LPIN1: variants seen among roughly 807,000 people sequenced by gnomAD.
LPIN1 encodes the protein phosphatidate phosphatase LPIN1.
LPIN1 carries 71 observed loss-of-function variants against 107.5 expected under a neutral mutation model. That is an observed-to-expected ratio of 0.66 (90% confidence interval 0.55 to 0.80). The LOEUF is 0.80. LPIN1 is among the 30% of genes least tolerant of loss of function. The pLI, the probability that LPIN1 is intolerant of heterozygous loss-of-function variation, is 0.00. For synonymous variants in LPIN1, 445 were observed against 452.6 expected (o/e 0.98, Z 0.21); for missense variants, 1,043 against 1,160.6 (o/e 0.90, Z 1.47).
chr2:11,683,459 C>G (rs6432226), intron 1 of LPIN1: 1 of 152,178 alleles, frequency 6.6e-6, no homozygotes, highest in South Asian at 2.1e-4. Flanking sequence ...ATGGGAGCGG[C>G]TGAAGGGAGG....
chr2:11,691,084 G>GTTTTTTTT (rs59865645), intron 1 of LPIN1, among the ~76,000 whole-genome samples: 1 of 140,604 alleles, frequency 7.1e-6, no homozygotes. Context: ...TCTTGTTGTG[G>GTTTTTTTT]TTTTTTTTTT....
At chr2:11,751,930 A>G (rs552862814) in intron 1 of LPIN1, among the ~76,000 whole-genome samples, 4 of 152,206 alleles carry the variant, frequency 2.6e-5, no homozygotes, top group Non-Finnish European at 4.4e-5. Context: ...TTCATTCTAT[A>G]TATACATTTT....
intron 1 of LPIN1, among the ~76,000 whole-genome samples, chr2:11,734,039 C>T (rs553803906): frequency 4.3e-4 from 66 of 152,250 alleles, no homozygotes; most frequent in Admixed American, 2.0e-3. Context: ...TTCTTTCTCC[C>T]GTACCACACT....
At chr2:11,741,581 A>G (rs1206136362) in intron 2 of LPIN1, among the ~76,000 whole-genome samples, 3 of 151,774 alleles carry the variant, frequency 2.0e-5, no homozygotes, top group South Asian at 2.1e-4. Flanking sequence ...CCTGGGCAAC[A>G]TGGCGAAACC....
At chr2:11,795,883 T>C (rs947747002) in intron 14 of LPIN1, among the ~76,000 whole-genome samples, 7 of 152,226 alleles carry the variant, frequency 4.6e-5, no homozygotes, top group African/African-American at 1.7e-4. Flanking sequence ...AACTTGCCTT[T>C]CTCTGTAATT....
intron 17 of LPIN1, among the ~76,000 whole-genome samples, chr2:11,806,235 C>G (rs1365639167): frequency 6.6e-6 from 1 of 152,232 alleles, no homozygotes; most frequent in East Asian, 1.9e-4. Flanking sequence ...AGAGCTGTTT[C>G]TAGAACTCTG....
chr2:11,774,545 A>G lies in LPIN1; in HGVS notation c.722+800A>G, dbSNP rs1028872515. Among the ~76,000 whole-genome samples, 2 of 152,166 alleles carry G rather than the reference A, an allele frequency of 1.3e-5. No homozygotes were observed. Among genetic ancestry groups the G allele is most frequent in the African/African-American group, 4.8e-5 (2 of 41,444 alleles). On this transcript the variant is annotated intron_variant, in intron 5 of 20. Transcript: ENST00000674199. This position sits in a 1 kb window ranked among gnomAD's most constrained non-coding sequence, Gnocchi z 4.4. ...CAGGGGCATGTTGATAATGAAAAAG[A>G]GACTGAGAAACGCTGATCTAAATGC...
chr2:11,719,901 T>C (rs1424845264), upstream of LPIN1, among the ~76,000 whole-genome samples: 1 of 151,186 alleles, frequency 6.6e-6, no homozygotes, highest in East Asian at 2.0e-4. Flanking sequence ...GTATACAGAA[T>C]GGTCATTTTT....
rs1038914491 is a variant in LPIN1 at position 11,750,869 on chromosome 2, G to A, written c.-10+4198G>A. 2.1e-4 allele frequency among the ~76,000 whole-genome samples: 32 copies of A among 152,270 alleles called. No individual in the cohort carries two copies. The South Asian group carries it at 3.9e-3, about 19-fold the overall frequency. Reference sequence around the variant, plus strand: ...CCAATTGCTGGGGTGTGGTAGGGGTGGGGGGTAATACAGAAATAAAGTTAT... The same window carrying A: ...CCAATTGCTGGGGTGTGGTAGGGGTAGGGGGTAATACAGAAATAAAGTTAT... On this transcript the variant is annotated intron_variant, in intron 1 of 20. Transcript: ENST00000674199.
intron 1 of LPIN1, among the ~76,000 whole-genome samples, chr2:11,679,729 G>A (rs1011407689): frequency 3.3e-5 from 5 of 152,230 alleles, no homozygotes; most frequent in Non-Finnish European, 7.3e-5. Flanking sequence ...CCCTGCCCCG[G>A]CAGTCTCTGT....
chr2:11,763,987 GTATA>G lies in LPIN1; in HGVS notation c.-9-1530_-9-1527del, dbSNP rs1162699730. ...TTAGTGTGTGTGTGTGTGTGTGTGT[GTATA>G]TATATATATATATATTTGGAGATAG... On this transcript the variant is annotated intron_variant, in intron 1 of 20. Transcript: ENST00000674199. Among the ~76,000 whole-genome samples, 897 of 132,910 alleles carry G rather than the reference GTATA, an allele frequency of 6.7e-3. 8 individuals carry two copies. The highest frequency in any genetic ancestry group is 0.019 in the African/African-American group (614 of 32,746). 87.2% of individuals were successfully genotyped at this position (132,910 alleles called of 152,430 possible). A position where few individuals can be genotyped will look rare whatever the true frequency, so the allele number is the denominator to read the frequency against.
chr2:11,738,867 G>C (rs1329040635), intron 1 of LPIN1, among the ~76,000 whole-genome samples: 2 of 152,220 alleles, frequency 1.3e-5, no homozygotes, highest in Non-Finnish European at 2.9e-5. Context: ...ATGAATGTGA[G>C]GAAACCACCA....
intron 1 of LPIN1, among the ~76,000 whole-genome samples, chr2:11,690,145 C>T (rs1662199507): frequency 6.6e-6 from 1 of 152,152 alleles, no homozygotes; most frequent in South Asian, 2.1e-4. Flanking sequence ...TATAATATGT[C>T]CAACCTCTTG....
At chr2:11,801,420 A>T (rs928720689) in intron 14 of LPIN1, among the ~76,000 whole-genome samples, 1 of 152,252 alleles carries the variant, frequency 6.6e-6, no homozygotes, top group Admixed American at 6.5e-5. Flanking sequence ...TACTATTCAG[A>T]CATAAAAAAG....
intron 1 of LPIN1, among the ~76,000 whole-genome samples, chr2:11,696,822 TG>T (rs1374797301): frequency 6.6e-6 from 1 of 152,368 alleles, no homozygotes; most frequent in East Asian, 1.9e-4. Context: ...TCTGACACTT[TG>T]GGGGGCTCCT....
intron 13 of LPIN1, among the ~76,000 whole-genome samples, chr2:11,792,665 G>A (rs939068946): frequency 2.0e-5 from 3 of 152,198 alleles, no homozygotes; most frequent in Non-Finnish European, 4.4e-5. Context: ...TTACAGGCGT[G>A]AGCCACCATG....
At chr2:11,741,099 C>G (rs1480276403) in intron 1 of LPIN1, 10 of 332,762 alleles carry the variant, frequency 3.0e-5, no homozygotes. Context: ...AGGAGCAGGA[C>G]GGCCTTCACA....
intron 1 of LPIN1, among the ~76,000 whole-genome samples, chr2:11,729,295 C>G (rs1664965035): frequency 6.6e-6 from 1 of 151,918 alleles, no homozygotes; most frequent in Admixed American, 6.6e-5. Flanking sequence ...GCACATGTAT[C>G]CCAGAACTTA....
rs75767042 is a variant in LPIN1, at chr2:11,786,157, G to C, written c.1550-917G>C. 0.016 allele frequency among the ~76,000 whole-genome samples: 2,469 copies of C among 152,236 alleles called. 64 individuals carry two copies. Among genetic ancestry groups the C allele is most frequent in the African/African-American group, 0.057 (2,374 of 41,504 alleles). On this transcript the variant is annotated intron_variant, in intron 10 of 20. Transcript: ENST00000674199. The surrounding 1 kb of genome is among the most constrained non-coding windows in gnomAD (Gnocchi z 4.1). ...GCAGCTGTCCAGTCCTTACAGGTGAGGCCAGATCGTCACAGTCAGGAGACC... is the reference window on the plus strand; with the variant it reads ...GCAGCTGTCCAGTCCTTACAGGTGACGCCAGATCGTCACAGTCAGGAGACC...
Sources: allele counts gnomAD v4.1 joint callset (sites outside exome capture counted in the v4.1 genomes callset), GRCh38; gene constraint gnomAD v4.1.1; non-coding constraint Gnocchi (gnomAD v3.1); transcripts MANE v1.5; gene names NCBI Gene and HGNC (gene_info 2026-07-23, HGNC 2026-07-21).